GFM2: variants seen among roughly 807,000 people sequenced by gnomAD.
GFM2 encodes the protein GTP dependent ribosome recycling factor mitochondrial 2.
A neutral mutation model predicts 95.4 loss-of-function variants in GFM2; 72 were observed. That is an observed-to-expected ratio of 0.76 (90% CI 0.62 to 0.92). The LOEUF (loss-of-function observed/expected upper bound fraction) is 0.92, where lower values mean the gene tolerates loss of function less well. Among genes scored for constraint, GFM2 ranks in the 40% least tolerant of loss-of-function variants. GFM2 has a pLI of 0.00. For missense variants in GFM2, 825 were observed against 924.1 expected (o/e 0.89, Z 1.39); for synonymous variants, 276 against 317.5 (o/e 0.87, Z 1.39).
rs780443117 is a variant in GFM2 at position 74,740,159 on chromosome 5, G to C, written c.931-22C>G. 4 of 1,584,222 alleles carry C rather than the reference G, an allele frequency of 2.5e-6. No individual in the cohort carries two copies. In the Admixed American group the frequency reaches 7.6e-5, roughly 30 times the overall value. ...GTAGCTACAGAGCAGAGATACAAAT[G>C]AGCATTTATTTTGTGTACTGGTCTT... On this transcript the variant is annotated intron_variant, in intron 11 of 20. Transcript: ENST00000296805.
At position 74,742,785 on chromosome 5, in the gene GFM2, G is replaced by C. The variant is rs550073942; in HGVS notation, c.850-1176C>G. Reference sequence around the variant, plus strand: ...GGGTTCAAGCGATTCTCCTGCTTCAGCCTCCTGAGTAGCTAGGATTACAGG... The same window carrying C: ...GGGTTCAAGCGATTCTCCTGCTTCACCCTCCTGAGTAGCTAGGATTACAGG... On this transcript the variant is annotated intron_variant, in intron 10 of 20. Coordinates refer to ENST00000296805, the MANE Select transcript of GFM2 (RefSeq NM_032380.5). Among the ~76,000 whole-genome samples, 133 of 152,040 alleles carry C rather than the reference G, an allele frequency of 8.7e-4. 1 individual carries two copies. The highest frequency in any genetic ancestry group is 3.1e-3 in the African/African-American group (128 of 41,462).
chr5:74,758,809 T>G, intron 5 of GFM2, 40 bp downstream of exon 5: 1 of 1,252,186 alleles, frequency 8.0e-7, no homozygotes, highest in South Asian at 1.2e-5. Context: ...ATGATGCTTT[T>G]GCTAATGGGG....
chr5:74,760,852 G>T (rs776170203), intron 3 of GFM2, 50 bp downstream of exon 3: 3 of 1,146,144 alleles, frequency 2.6e-6, no homozygotes, highest in Non-Finnish European at 3.9e-6. Flanking sequence ...AGAGAGAAAA[G>T]AGATAAAGCA....
chr5:74,755,521 A>G (rs778876563), intron 5 of GFM2, among the ~76,000 whole-genome samples: 50 of 152,214 alleles, frequency 3.3e-4, no homozygotes, highest in Non-Finnish European at 5.9e-5. Flanking sequence ...AAATAAGCTC[A>G]ATTAGAAACA....
intron 5 of GFM2, among the ~76,000 whole-genome samples, chr5:74,753,980 T>C (rs1041343319): frequency 2.6e-5 from 4 of 152,092 alleles, no homozygotes; most frequent in Admixed American, 1.3e-4. Context: ...TCAGGTAACC[T>C]ATAAATAAAA....
chr5:74,721,620 G>C lies in GFM2; in HGVS notation c.*35C>G. 6.3e-7 allele frequency: 1 copy of C among 1,597,836 alleles called. No individual in the cohort carries two copies. Among genetic ancestry groups the C allele is most frequent in the Non-Finnish European group, 8.5e-7 (1 of 1,171,996 alleles). ...GTTCTTACTGAAAATGAAGTAGCTA[G>C]GTGCTCCTGAATTTCTCTCCAAAAA... On this transcript the variant is annotated 3_prime_UTR_variant, in exon 21 of 21. Transcript: ENST00000296805.
At chr5:74,745,974 T>A in intron 9 of GFM2, 117 bp from the exon 10 acceptor site, 1 of 1,079,504 alleles carries the variant, frequency 9.3e-7, no homozygotes, top group Non-Finnish European at 1.4e-6. Flanking sequence ...ACCATTACTA[T>A]AATCTGTGGC....
chr5:74,750,132 C>T (rs1467721430), intron 7 of GFM2, among the ~76,000 whole-genome samples: 2 of 152,202 alleles, frequency 1.3e-5, no homozygotes, highest in South Asian at 2.1e-4. Flanking sequence ...CCTATTCAAG[C>T]ACATTTCAAT....
intron 4 of GFM2, among the ~76,000 whole-genome samples, 187 bp downstream of exon 4, chr5:74,759,182 T>C (rs370903511): frequency 9.2e-5 from 14 of 151,948 alleles, no homozygotes; most frequent in Non-Finnish European, 1.9e-4. Context: ...AAAAGTGTGC[T>C]GTTGTTACAT....
chr5:74,722,055 G>A (rs1749915322), intron 20 of GFM2, among the ~76,000 whole-genome samples: 1 of 152,186 alleles, frequency 6.6e-6, no homozygotes, highest in Admixed American at 6.5e-5. Context: ...GAGCAGAAGA[G>A]GCTGACGGGA....
intron 10 of GFM2, among the ~76,000 whole-genome samples, chr5:74,744,452 T>C (rs752319608): frequency 6.6e-6 from 1 of 151,816 alleles, no homozygotes; most frequent in African/African-American, 2.4e-5. Context: ...AAGTGAAAAA[T>C]CAAGGGCTCT....
At chr5:74,751,238 A>G in intron 6 of GFM2, 130 bp downstream of exon 6, 1 of 832,132 alleles carries the variant, frequency 1.2e-6, no homozygotes, top group Non-Finnish European at 1.9e-6. Flanking sequence ...TGTACACTTA[A>G]AAATGGTTGA....
intron 16 of GFM2, among the ~76,000 whole-genome samples, chr5:74,731,497 A>G (rs112796442): frequency 6.4e-4 from 98 of 152,292 alleles, no homozygotes; most frequent in South Asian, 6.0e-3. Flanking sequence ...AGAGGGTAAC[A>G]TGTCCCTGAG....
intron 15 of GFM2, 49 bp downstream of exon 15, chr5:74,736,747 T>C (rs1279021499): frequency 3.1e-6 from 5 of 1,607,968 alleles, no homozygotes; most frequent in East Asian, 2.2e-5. Flanking sequence ...AACTATTTTA[T>C]ATAAATTATC....
At chr5:74,754,927 C>T (rs62366406) in intron 5 of GFM2, among the ~76,000 whole-genome samples, 24,936 of 151,820 alleles carry the variant, frequency 0.16, 2,707 homozygotes, top group African/African-American at 0.29. Flanking sequence ...ACCAGCCTGG[C>T]CAACATAAAA....
At chr5:74,735,441 T>C (rs891119610) in intron 15 of GFM2, among the ~76,000 whole-genome samples, 2 of 152,178 alleles carry the variant, frequency 1.3e-5, no homozygotes, top group African/African-American at 4.8e-5. Flanking sequence ...CAATAGAGAT[T>C]GCTTTTGTTC....
intron 15 of GFM2, among the ~76,000 whole-genome samples, chr5:74,734,909 T>C (rs1236349063): frequency 6.6e-6 from 1 of 152,182 alleles, no homozygotes; most frequent in Non-Finnish European, 1.5e-5. Context: ...TCTCCTAAAG[T>C]AGTTAAAGGC....
At chr5:74,747,090 A>T (rs763178802) in intron 8 of GFM2, among the ~76,000 whole-genome samples, 1 of 152,122 alleles carries the variant, frequency 6.6e-6, no homozygotes, top group Non-Finnish European at 1.5e-5. Flanking sequence ...ATTTTCTCCA[A>T]ATCTTTCAAA....
chr5:74,736,010 C>G (rs1742814337), intron 15 of GFM2, among the ~76,000 whole-genome samples: 1 of 152,154 alleles, frequency 6.6e-6, no homozygotes, highest in Admixed American at 6.5e-5. Context: ...TCCCCTTACT[C>G]CTTTCTGTTG....
Sources: gnomAD v4.1 joint callset for allele counts (sites outside exome capture counted in the v4.1 genomes callset) on GRCh38, gnomAD v4.1.1 for gene constraint, MANE v1.5 for transcripts, NCBI Gene and HGNC (gene_info 2026-07-23, HGNC 2026-07-21) for gene names.